Variants in SCGB2B2 observed in about 807,000 individuals in gnomAD.
SCGB2B2 encodes the protein secretoglobin-like protein.
Under a neutral mutation model 7.6 loss-of-function variants are expected in SCGB2B2, and 11 were observed. That is an observed-to-expected ratio of 1.45 (90% CI 0.91 to 2.40). SCGB2B2 has a LOEUF of 2.40. Ranked by LOEUF, SCGB2B2 falls within the 30% of genes most tolerant of loss-of-function variation. The probability of loss-of-function intolerance (pLI) is 0.00; values close to 1 mark genes in which losing one functional copy is unlikely to be tolerated. For synonymous variants in SCGB2B2, 50 were observed against 48.6 expected (o/e 1.03, Z -0.12); for missense variants, 104 against 115.4 (o/e 0.90, Z 0.45).
intron 1 of SCGB2B2, among the ~76,000 whole-genome samples, chr19:34,647,015 C>G (rs113207073): frequency 0.019 from 2,967 of 152,288 alleles, 52 homozygotes; most frequent in South Asian, 0.085. Context: ...CAACCCCACC[C>G]CGCCTTGACC....
chr19:34,606,067 AG>A (rs1195082537), intron 1 of SCGB2B2, among the ~76,000 whole-genome samples: 1 of 151,542 alleles, frequency 6.6e-6, no homozygotes, highest in Non-Finnish European at 1.5e-5. Context: ...TATTTTACGT[AG>A]TTTTTAAAAT....
chr19:34,619,255 T>C (rs1343342787), intron 1 of SCGB2B2, among the ~76,000 whole-genome samples: 1 of 152,186 alleles, frequency 6.6e-6, no homozygotes, highest in East Asian at 1.9e-4. Context: ...AAGAAATCTT[T>C]AGAGGGAGAG....
intron 1 of SCGB2B2, among the ~76,000 whole-genome samples, chr19:34,631,171 G>A (rs574570701): frequency 2.0e-5 from 3 of 151,678 alleles, no homozygotes; most frequent in East Asian, 3.9e-4. Flanking sequence ...GTTAAATGAC[G>A]AGTTAACGGG....
At chr19:34,652,746 G>A (rs894386455) in intron 1 of SCGB2B2, among the ~76,000 whole-genome samples, 1 of 151,324 alleles carries the variant, frequency 6.6e-6, no homozygotes, top group African/African-American at 2.5e-5. Flanking sequence ...GAACTCTGGT[G>A]TGCTGTTGGT....
At chr19:34,635,485 T>C (rs2066650623) in intron 1 of SCGB2B2, 1 of 286,068 alleles carries the variant, frequency 3.5e-6, no homozygotes, top group Admixed American at 3.8e-5. Flanking sequence ...TGGGAGCTTT[T>C]TCTGTAGGCT....
At chr19:34,617,248 G>A (rs1319196581) in intron 1 of SCGB2B2, among the ~76,000 whole-genome samples, 2 of 151,604 alleles carry the variant, frequency 1.3e-5, no homozygotes, top group Admixed American at 6.6e-5. Flanking sequence ...TGATGAGGAT[G>A]GCATTGAATC....
intron 1 of SCGB2B2, among the ~76,000 whole-genome samples, chr19:34,659,802 T>C (rs2067399943): frequency 6.6e-6 from 1 of 151,936 alleles, no homozygotes; most frequent in Non-Finnish European, 1.5e-5. Flanking sequence ...AAAGTTCATA[T>C]GGAACAAAAA....
chr19:34,617,974 C>T, intron 1 of SCGB2B2, among the ~76,000 whole-genome samples: 1 of 152,238 alleles, frequency 6.6e-6, no homozygotes, highest in Non-Finnish European at 1.5e-5. Flanking sequence ...TGAGGCAATG[C>T]CTCGCCCTGC....
chr19:34,607,579 G>A (rs1331556908), intron 1 of SCGB2B2, among the ~76,000 whole-genome samples: 4 of 152,096 alleles, frequency 2.6e-5, no homozygotes, highest in Non-Finnish European at 5.9e-5. Context: ...AGTGCACAAG[G>A]GTTCCAATTT....
intron 1 of SCGB2B2, among the ~76,000 whole-genome samples, chr19:34,670,283 G>A (rs527670587): frequency 1.3e-5 from 2 of 152,280 alleles, no homozygotes; most frequent in African/African-American, 4.8e-5. Context: ...ACACCAAGTC[G>A]CAGAGTAAGT....
At chr19:34,594,393 G>T (rs1469850776) in intron 2 of SCGB2B2, 34 bp from the exon 3 acceptor site, 20 of 1,609,734 alleles carry the variant, frequency 1.2e-5, no homozygotes, top group Non-Finnish European at 1.7e-5. Flanking sequence ...GAAAACAGAG[G>T]AGGTCAGAAT....
chr19:34,654,483 AAAATT>A (rs1365345062), intron 1 of SCGB2B2, among the ~76,000 whole-genome samples: 2 of 151,340 alleles, frequency 1.3e-5, no homozygotes, highest in Admixed American at 1.3e-4. Context: ...ATTAAAACAA[AAAATT>A]AAATTTAACA....
rs1419828416 is a variant in SCGB2B2, at chr19:34,596,014, G to A, written c.-1451C>T. On this transcript the variant is annotated 5_prime_UTR_variant, in exon 2 of 4. Coordinates refer to ENST00000601241, the MANE Select transcript of SCGB2B2 (RefSeq NM_001025591.4). ...AACCGCAGAGCAGTTCCTAGATTAG[G>A]CTGTGCCACCCAGACTGAGTGGGCT... 6.6e-6 allele frequency: 1 copy of A among 152,394 alleles called. No homozygotes were observed. The highest frequency in any genetic ancestry group is 2.4e-5 in the African/African-American group (1 of 41,460). The allele number at this position is 152,394 out of a possible 1,614,324, so 9.4% of individuals were successfully genotyped here.
At chr19:34,664,744 T>C (rs1424979746) in intron 1 of SCGB2B2, among the ~76,000 whole-genome samples, 4 of 152,154 alleles carry the variant, frequency 2.6e-5, no homozygotes, top group Admixed American at 2.0e-4. Context: ...AGGCAAGGCC[T>C]GCATCCCTGC....
Position 34,591,164 on chromosome 19 carries a change from T to G in SCGB2B2, c.*2391A>C, listed in dbSNP as rs2065287937. ...ACCCCCTGTGTCCCGTCCTCCTGGA[T>G]AGCTAATGGATGTCTTGGATGTGGG... On this transcript the variant is annotated 3_prime_UTR_variant, in exon 4 of 4. Transcript: ENST00000601241. Among the ~76,000 whole-genome samples the G allele has an allele frequency of 6.6e-6, 1 of 152,176 alleles. No homozygotes were observed.
chr19:34,643,558 TG>T (rs1206764214), intron 1 of SCGB2B2, among the ~76,000 whole-genome samples: 3 of 152,138 alleles, frequency 2.0e-5, no homozygotes, highest in Non-Finnish European at 2.9e-5. Flanking sequence ...TCAAAGTAGC[TG>T]GAAGGGAGGA....
intron 1 of SCGB2B2, among the ~76,000 whole-genome samples, chr19:34,664,447 A>G (rs2067554211): frequency 6.6e-6 from 1 of 152,164 alleles, no homozygotes; most frequent in Admixed American, 6.5e-5. Context: ...CTGCCCAGGG[A>G]CACCAGGGCA....
intron 1 of SCGB2B2, among the ~76,000 whole-genome samples, chr19:34,652,173 C>T (rs1246668088): frequency 2.0e-5 from 3 of 151,128 alleles, no homozygotes; most frequent in Admixed American, 2.0e-4. Flanking sequence ...TATGAAACTG[C>T]TTGAAGAAAA....
chr19:34,618,074 T>G (rs2066139281), intron 1 of SCGB2B2, among the ~76,000 whole-genome samples: 1 of 152,204 alleles, frequency 6.6e-6, no homozygotes, highest in Non-Finnish European at 1.5e-5. Flanking sequence ...CAGATGGAAA[T>G]GCAGAAATCA....
Sources: allele counts gnomAD v4.1 joint callset (sites outside exome capture counted in the v4.1 genomes callset), GRCh38; gene constraint gnomAD v4.1.1; transcripts MANE v1.5; gene names NCBI Gene and HGNC (gene_info 2026-07-23, HGNC 2026-07-21).